TTN: variants seen among roughly 807,000 people sequenced by gnomAD.
TTN encodes connectin.
Under a neutral mutation model 3,223.0 loss-of-function variants are expected in TTN, and 1,525 were observed. The ratio of observed to expected loss-of-function variants is 0.47; its 90% CI spans 0.45 to 0.49. TTN has a LOEUF of 0.49. Ranked by LOEUF, TTN falls within the 20% of genes least tolerant of loss-of-function variation. TTN has a pLI of 0.00. For synonymous variants in TTN, 14,094 were observed against 15,161.0 expected (o/e 0.93, Z 5.17); for missense variants, 40,786 against 43,424.0 (o/e 0.94, Z 5.40).
intron 321 of TTN, 60 bp from the exon 322 acceptor site, chr2:178,578,245 T>C: frequency 7.0e-7 from 1 of 1,430,248 alleles, no homozygotes. Flanking sequence ...AATATATATG[T>C]GTTGCCCAAA....
In TTN at chr2:178,610,299, C is replaced by T; in HGVS notation, c.51227G>A (p.Gly17076Glu). 1 of 1,612,892 alleles carries T rather than the reference C, an allele frequency of 6.2e-7. No individual in the cohort carries two copies. Among genetic ancestry groups the T allele is most frequent in the Non-Finnish European group, 8.5e-7 (1 of 1,179,236 alleles). Reference protein sequence around the residue: ...LTWEPPEFDGGTPILHYVLER... With the variant: ...LTWEPPEFDGETPILHYVLER... ...CAGGACATAATGAAGAATTGGGGTT[C>T]CACCATCAAATTCTGGAGGTTCCCA... Residue 17076 changes from glycine to glutamate, a missense_variant, in exon 271 of 363, where the codon GGA becomes GAA. Transcript: ENST00000589042.
chr2:178,613,085 G>GAAAT lies in TTN; in HGVS notation c.49649-17_49649-14dup. The stretch of plus-strand genomic sequence containing the variant: ...GGCCATGGAGGATCTGCAAGCCAAT[G>GAAAT]AAATCATTGTTTAGGTTTGTCAAAA... On this transcript the variant is annotated splice_polypyrimidine_tract_variant and intron_variant, in intron 264 of 362. Coordinates refer to ENST00000589042, the MANE Select transcript of TTN (RefSeq NM_001267550.2). The GAAAT allele has an allele frequency of 6.2e-7, 1 of 1,612,240 alleles. No homozygotes were observed. Among genetic ancestry groups the GAAAT allele is most frequent in the East Asian group, 2.2e-5 (1 of 44,630 alleles).
intron 137 of TTN, 24 bp from the exon 138 acceptor site, chr2:178,681,195 GA>G: frequency 3.2e-6 from 5 of 1,578,908 alleles, no homozygotes; most frequent in Non-Finnish European, 3.4e-6. Context: ...AATTATTAAA[GA>G]GCATTAAAAC....
intron 1 of TTN, among the ~76,000 whole-genome samples, chr2:178,805,077 T>A (rs1221442549): frequency 6.6e-6 from 1 of 151,964 alleles, no homozygotes; most frequent in Non-Finnish European, 1.5e-5. Flanking sequence ...GCGTGGTGGC[T>A]CATGCTGGTA....
rs779948923 is a variant in TTN at position 178,530,680 on chromosome 2, A to C, written c.105935T>G (p.Leu35312Ter). 4 of 1,613,970 alleles carry C rather than the reference A, an allele frequency of 2.5e-6. No individual in the cohort carries two copies. Among genetic ancestry groups the C allele is most frequent in the Non-Finnish European group, 2.5e-6 (3 of 1,179,882 alleles). Residue 35312 changes from leucine (L) to a stop codon, truncating the protein, a stop_gained, in exon 358 of 363, where the codon TTA (leucine) becomes TGA (stop). Transcript: ENST00000589042. LOFTEE classifies it high-confidence loss of function. ...KLTCVVESSV[L>*]RAKEVTWYKD... ...ATACCAGGTGACCTCTTTTGCCCTT[A>C]ATACACTGCTTTCAACCACACAGGT...
intron 180 of TTN, among the ~76,000 whole-genome samples, chr2:178,660,835 A>G (rs895835327): frequency 1.3e-5 from 2 of 148,382 alleles, no homozygotes; most frequent in African/African-American, 4.9e-5. Context: ...CGTGTAAGAA[A>G]AAAACAACCC....
rs1560099336 is a variant in TTN at position 178,651,625 on chromosome 2, AG to A, written c.39463+40del. ...AGAACAGTAGAATATGACACTTCAA[AG>A]AAAGTTTTTTGTTAGGGAGTTAGTG... On this transcript the variant is annotated intron_variant, in intron 206 of 362. Coordinates refer to ENST00000589042, the MANE Select transcript of TTN (RefSeq NM_001267550.2). 4 of 1,612,426 alleles carry A rather than the reference AG, an allele frequency of 2.5e-6. No homozygotes were observed. The Admixed American group carries it at 6.7e-5, about 27-fold the overall frequency.
intron 168 of TTN, 68 bp from the exon 169 acceptor site, chr2:178,664,166 T>G (rs1216835805): frequency 2.7e-6 from 4 of 1,463,212 alleles, no homozygotes; most frequent in Non-Finnish European, 3.7e-6. Flanking sequence ...AAAGACATTT[T>G]CAAGAACAAA....
At position 178,739,348 on chromosome 2, in the gene TTN, T is replaced by C. The variant is rs774964232; in HGVS notation, c.13885A>G (p.Ile4629Val). The change falls in exon 48 of 363, where the codon ATA becomes GTA. Residue 4629 changes from isoleucine to valine, a missense_variant. Physicochemically the swap from Ile to Val is conservative, Grantham distance 29. Coordinates refer to ENST00000589042, the MANE Select transcript of TTN (RefSeq NM_001267550.2). The stretch of plus-strand genomic sequence containing the variant: ...CAATTCACCTCTTTAGCATTTGTTA[T>C]GGATGTTGTGAGGTGTACAATATCA... Reference protein sequence around the residue: ...EGDIVHLTTSITNAKEVNWYF... With the variant: ...EGDIVHLTTSVTNAKEVNWYF... 6.2e-7 allele frequency: 1 copy of C among 1,613,882 alleles called. No homozygotes were observed. The highest frequency in any genetic ancestry group is 8.5e-7 in the Non-Finnish European group (1 of 1,179,820).
At position 178,714,050 on chromosome 2, in the gene TTN, G is replaced by T; in HGVS notation, c.26608C>A (p.Leu8870Ile). ...ATTTTGTATTTGTTGTCACTTGTTA[G>T]CTCTTTTCCATCCTTAAACCACTTA... ...STKWFKDGKELTSDNKYKISF... is the reference protein window; with the variant it reads ...STKWFKDGKEITSDNKYKISF... Residue 8870 changes from leucine (L) to isoleucine (I), a missense_variant, in exon 92 of 363, where the codon CTA (leucine) becomes ATA (isoleucine). Leu to Ile is a conservative substitution (Grantham distance 5). Transcript: ENST00000589042. 6.2e-6 allele frequency: 10 copies of T among 1,613,506 alleles called. No homozygotes were observed. The highest frequency in any genetic ancestry group is 8.5e-6 in the Non-Finnish European group (10 of 1,179,636).
chr2:178,675,797 C>T, intron 148 of TTN, 43 bp from the exon 149 acceptor site: 1 of 1,522,962 alleles, frequency 6.6e-7, no homozygotes, highest in Non-Finnish European at 8.8e-7. Context: ...GTTTCACACA[C>T]ACAAAGACAA....
chr2:178,712,298 G>A lies in TTN; in HGVS notation c.27607+17C>T. 1 of 1,610,122 alleles carries A rather than the reference G, an allele frequency of 6.2e-7. No individual in the cohort carries two copies. The highest frequency in any genetic ancestry group is 1.1e-5 in the South Asian group (1 of 90,818). On this transcript the variant is annotated intron_variant, in intron 95 of 362. Coordinates refer to ENST00000589042, the MANE Select transcript of TTN (RefSeq NM_001267550.2). ...ATCGATTGTATACAAAGATAAAAAT[G>A]TGCAATCATGACAAACCTAGTATGA...
Position 178,650,194 on chromosome 2 carries a change from C to G in TTN, c.39787G>C (p.Glu13263Gln). The G allele has an allele frequency of 6.3e-7, 1 of 1,593,710 alleles. No homozygotes were observed. The highest frequency in any genetic ancestry group is 8.6e-7 in the Non-Finnish European group (1 of 1,168,882). ...EEEKPVPVAEEEEPEVPPPAV... is the reference protein window; with the variant it reads ...EEEKPVPVAEQEEPEVPPPAV... ...GGAGGTGGAACCTCTGGTTCCTCCTCTTCTGCAACAGGAACTGGCTTTTCC... is the reference window on the plus strand; with the variant it reads ...GGAGGTGGAACCTCTGGTTCCTCCTGTTCTGCAACAGGAACTGGCTTTTCC... Residue 13263 changes from glutamate (E) to glutamine (Q), a missense_variant, in exon 210 of 363, where the codon GAG becomes CAG. Glu to Gln is a conservative substitution (Grantham distance 29). Transcript: ENST00000589042.
chr2:178,779,290 C>T lies in TTN; in HGVS notation c.3902G>A (p.Arg1301Lys). 1 of 1,613,622 alleles carries T rather than the reference C, an allele frequency of 6.2e-7. No homozygotes were observed. The highest frequency in any genetic ancestry group is 8.5e-7 in the Non-Finnish European group (1 of 1,179,638). ...AGTGACACCCATCCCCTCAAGAATT[C>T]TATAATTCTTGATTCTTGAATCAAA... The part of the protein sequence containing the change: ...SGFDSRIKNY[R>K]ILEGMGVTFH... Residue 1301 changes from arginine to lysine, a missense_variant, in exon 23 of 363, where the codon AGA becomes AAA. Coordinates refer to ENST00000589042, the MANE Select transcript of TTN (RefSeq NM_001267550.2).
Position 178,618,474 on chromosome 2 carries a change from G to A in TTN, c.46984C>T (p.Arg15662Cys), listed in dbSNP as rs762723635. The A allele has an allele frequency of 8.7e-6, 14 of 1,612,170 alleles. No homozygotes were observed. Among genetic ancestry groups the A allele is most frequent in the African/African-American group, 8.0e-5 (6 of 74,782 alleles). Residue 15662 changes from arginine (R) to cysteine (C), a missense_variant, in exon 252 of 363, where the codon CGT (arginine) becomes TGT (cysteine). By Grantham distance (180) the Arg-to-Cys change is radical. Transcript: ENST00000589042. Reference sequence around the variant, plus strand: ...AATGTTTCTGTCACTTCTAAGTTACGTACTGGCCCAGGAACATCTGAAATT... The same window carrying A: ...AATGTTTCTGTCACTTCTAAGTTACATACTGGCCCAGGAACATCTGAAATT... ...LKVIDVPGPV[R>C]NLEVTETFDG...
chr2:178,785,783 A>C (rs1412303004), intron 14 of TTN, 41 bp from the exon 15 acceptor site: 1 of 1,614,142 alleles, frequency 6.2e-7, no homozygotes, highest in Admixed American at 1.7e-5. Flanking sequence ...TGATCACCAG[A>C]TGACCACAGC....
chr2:178,720,594 C>T lies in TTN; in HGVS notation c.23168G>A (p.Cys7723Tyr). The T allele has an allele frequency of 6.2e-7, 1 of 1,613,254 alleles. No homozygotes were observed. The highest frequency in any genetic ancestry group is 8.5e-7 in the Non-Finnish European group (1 of 1,179,550). The change falls in exon 80 of 363, where the codon TGT (cysteine) becomes TAT (tyrosine). Residue 7723 changes from cysteine to tyrosine, a missense_variant. Physicochemically the swap from Cys to Tyr is radical, Grantham distance 194. Coordinates refer to ENST00000589042, the MANE Select transcript of TTN (RefSeq NM_001267550.2). Reference protein sequence around the residue: ...ALKGSDVILQCEISGTPPFEV... With the variant: ...ALKGSDVILQYEISGTPPFEV... ...AAATGGGGGAGTTCCCGAAATTTCA[C>T]ATTGGAGAATCACATCAGAACCTTT... is the stretch of plus-strand genomic sequence containing the variant.
At chr2:178,583,399 G>T in intron 312 of TTN, 172 bp from the exon 313 acceptor site, 1 of 827,232 alleles carries the variant, frequency 1.2e-6, no homozygotes, top group South Asian at 2.9e-5. Context: ...AATAACTATT[G>T]AAATTATATA....
chr2:178,567,949 A>G lies in TTN; in HGVS notation c.78183T>C (p.Tyr26061=). ...TATTTTCAGCATACACTCTGAATTC[A>G]TATTCAATGCCTTCTTCAAGATTCT... The part of the protein sequence containing the change: ...KAQNLEEGIE[Y]EFRVYAENIV... Residue 26061 remains tyrosine (Y), a synonymous_variant, in exon 326 of 363, where the codon TAT becomes TAC. Transcript: ENST00000589042. The G allele has an allele frequency of 1.2e-6, 2 of 1,613,580 alleles. No individual in the cohort carries two copies. Among genetic ancestry groups the G allele is most frequent in the East Asian group, 2.2e-5 (1 of 44,844 alleles).
Sources: allele counts gnomAD v4.1 joint callset (sites outside exome capture counted in the v4.1 genomes callset), GRCh38; gene constraint gnomAD v4.1.1; transcripts MANE v1.5; gene names NCBI Gene and HGNC (gene_info 2026-07-23, HGNC 2026-07-21).